The following HS6ST3 variants were observed in gnomAD, a reference collection of about 807,000 sequenced individuals.
HS6ST3 encodes the protein heparan-sulfate 6-O-sulfotransferase 3.
In HS6ST3, 12 loss-of-function variants were observed where a neutral mutation model predicts 36.7. The observed-to-expected ratio is 0.33, with a 90% CI of 0.21 to 0.53. The LOEUF (loss-of-function observed/expected upper bound fraction) is 0.53. Ranked by LOEUF, HS6ST3 falls within the 20% of genes least tolerant of loss-of-function variation. HS6ST3 has a pLI of 0.95. For synonymous variants in HS6ST3, 240 were observed against 257.5 expected, an observed-to-expected ratio of 0.93 and a Z score of 0.65; for missense variants, 584 against 640.9, an observed-to-expected ratio of 0.91 and a Z score of 0.96.
chr13:96,244,275 C>T (rs902105451), intron 1 of HS6ST3, among the ~76,000 whole-genome samples: 1 of 152,116 alleles, frequency 6.6e-6, no homozygotes, highest in African/African-American at 2.4e-5. Context: ...GATAATCTCA[C>T]AGGTGTACTG....
intron 1 of HS6ST3, among the ~76,000 whole-genome samples, chr13:96,200,897 C>T (rs905027599): frequency 6.6e-6 from 1 of 152,324 alleles, no homozygotes. Flanking sequence ...TCCCACCATC[C>T]CATTTTTGTG....
At chr13:96,498,296 C>T (rs2138910994) in intron 1 of HS6ST3, among the ~76,000 whole-genome samples, 1 of 152,290 alleles carries the variant, frequency 6.6e-6, no homozygotes, top group Middle Eastern at 3.4e-3. Flanking sequence ...ACAACTTCAT[C>T]CTCTGCTTTG....
chr13:96,096,270 G>C (rs1416572382), intron 1 of HS6ST3, among the ~76,000 whole-genome samples: 2 of 152,164 alleles, frequency 1.3e-5, no homozygotes, highest in Non-Finnish European at 2.9e-5. Context: ...GATAAGAACT[G>C]ATGGGATTTC....
chr13:96,309,070 CTT>C (rs2054927696), intron 1 of HS6ST3, among the ~76,000 whole-genome samples: 1 of 152,104 alleles, frequency 6.6e-6, no homozygotes, highest in Non-Finnish European at 1.5e-5. Flanking sequence ...CAAATACACA[CTT>C]GGCATAGTTT....
intron 1 of HS6ST3, among the ~76,000 whole-genome samples, chr13:96,334,994 G>A (rs11617707): frequency 0.1 from 15,326 of 152,226 alleles, 826 homozygotes; most frequent in Middle Eastern, 0.14. Flanking sequence ...TAGGTGTTCA[G>A]AGAACTTAAT....
intron 1 of HS6ST3, among the ~76,000 whole-genome samples, chr13:96,380,006 T>G (rs1194602531): frequency 6.6e-6 from 1 of 152,222 alleles, no homozygotes; most frequent in African/African-American, 2.4e-5. Flanking sequence ...CACATAGTTT[T>G]ATAACTAAAA....
intron 1 of HS6ST3, among the ~76,000 whole-genome samples, chr13:96,420,724 T>A (rs147975297): frequency 7.9e-4 from 120 of 152,356 alleles, no homozygotes; most frequent in African/African-American, 2.8e-3. Context: ...CCACAAATGC[T>A]GTATCAATGG....
chr13:96,743,034 A>G (rs549462089), intron 1 of HS6ST3, among the ~76,000 whole-genome samples: 69 of 152,208 alleles, frequency 4.5e-4, no homozygotes, highest in Non-Finnish European at 7.8e-4. Context: ...TCCTCCTAGG[A>G]TAAAAGAAAA....
intron 1 of HS6ST3, among the ~76,000 whole-genome samples, chr13:96,268,669 C>A (rs2054704744): frequency 6.6e-6 from 1 of 151,932 alleles, no homozygotes; most frequent in African/African-American, 2.4e-5. Flanking sequence ...ATCATGATAA[C>A]TCTTACTGGA....
At chr13:96,228,931 G>T (rs1046246440) in intron 1 of HS6ST3, among the ~76,000 whole-genome samples, 1 of 152,182 alleles carries the variant, frequency 6.6e-6, no homozygotes, top group African/African-American at 2.4e-5. Context: ...GAATGTGCGT[G>T]TAGGCGTGGG....
chr13:96,815,361 C>T (rs576510876), intron 1 of HS6ST3, among the ~76,000 whole-genome samples: 29 of 152,332 alleles, frequency 1.9e-4, no homozygotes, highest in Non-Finnish European at 2.9e-4. Context: ...AATGACCTCA[C>T]CTTAACCTGA....
chr13:96,517,444 T>C (rs2056077010), intron 1 of HS6ST3, among the ~76,000 whole-genome samples: 1 of 152,076 alleles, frequency 6.6e-6, no homozygotes, highest in Admixed American at 6.6e-5. Flanking sequence ...AAGATAGGCT[T>C]CCCAGGGAGA....
intron 1 of HS6ST3, among the ~76,000 whole-genome samples, chr13:96,547,222 G>T (rs911175670): frequency 7.2e-5 from 11 of 152,206 alleles, no homozygotes; most frequent in African/African-American, 2.2e-4. Flanking sequence ...AGAACAATTA[G>T]ATAGTGCAGG....
chr13:96,811,406 T>A (rs572249515), intron 1 of HS6ST3, among the ~76,000 whole-genome samples: 1 of 152,328 alleles, frequency 6.6e-6, no homozygotes, highest in South Asian at 2.1e-4. Context: ...TGTTAAAGAA[T>A]CTTTGGAGAA....
intron 1 of HS6ST3, 30 bp from the exon 2 acceptor site, chr13:96,832,460 T>G (rs1252578640): frequency 6.7e-7 from 1 of 1,491,540 alleles, no homozygotes; most frequent in Non-Finnish European, 9.0e-7. Flanking sequence ...AGTTGTCAAC[T>G]ACTGATGCTC....
At chr13:96,323,594 T>C (rs1384871645) in intron 1 of HS6ST3, among the ~76,000 whole-genome samples, 1 of 152,206 alleles carries the variant, frequency 6.6e-6, no homozygotes, top group Non-Finnish European at 1.5e-5. Flanking sequence ...TTGCTGTTTG[T>C]GGAGCACACA....
At chr13:96,559,682 A>G (rs2056254755) in intron 1 of HS6ST3, among the ~76,000 whole-genome samples, 1 of 152,010 alleles carries the variant, frequency 6.6e-6, no homozygotes, top group Non-Finnish European at 1.5e-5. Flanking sequence ...TGACAACACT[A>G]TTTTAAAAAG....
chr13:96,168,710 A>C (rs906792669), intron 1 of HS6ST3, among the ~76,000 whole-genome samples: 1 of 145,838 alleles, frequency 6.9e-6, no homozygotes, highest in African/African-American at 2.5e-5. Context: ...AAAAAAAATT[A>C]CTATTTTAGA....
At chr13:96,314,871 A>G (rs1246990824) in intron 1 of HS6ST3, among the ~76,000 whole-genome samples, 2 of 152,200 alleles carry the variant, frequency 1.3e-5, no homozygotes, top group African/African-American at 4.8e-5. Context: ...AATTGTGCAT[A>G]TACATGTATA....
Sources: allele counts gnomAD v4.1 joint callset (sites outside exome capture counted in the v4.1 genomes callset), GRCh38; gene constraint gnomAD v4.1.1; transcripts MANE v1.5; gene names NCBI Gene and HGNC (gene_info 2026-07-23, HGNC 2026-07-21).